PAK3: variants seen among roughly 807,000 people sequenced by gnomAD.
PAK3 encodes the protein p21 (RAC1) activated kinase 3, also known as serine/threonine-protein kinase PAK 3.
In PAK3, 4 loss-of-function variants were observed where a neutral mutation model predicts 41.0. The observed-to-expected ratio is 0.10, with a 90% CI of 0.05 to 0.22. PAK3 has a LOEUF of 0.22. Among genes scored for constraint, PAK3 ranks in the 10% least tolerant of loss-of-function variants. The pLI is 1.00. For synonymous variants in PAK3, 146 were observed against 139.6 expected, an observed-to-expected ratio of 1.05 and a Z score of -0.32; for missense variants, 205 against 409.9, an observed-to-expected ratio of 0.50 and a Z score of 4.32.
intron 9 of PAK3, 108 bp from the exon 10 acceptor site, chrX:111,163,454 T>A (rs769613159): frequency 2.1e-4 from 124 of 602,944 alleles, no homozygotes; most frequent in Non-Finnish European, 3.3e-4. Context: ...TTTTTTTTTT[T>A]AAGAAAATAC....
chrX:110,990,032 GA>G (rs2148667481), intron 1 of PAK3, among the ~76,000 whole-genome samples: 1 of 111,855 alleles, frequency 8.9e-6, no homozygotes, highest in East Asian at 2.8e-4. Flanking sequence ...GTCTTTATAG[GA>G]ATGTTATTAT....
chrX:111,204,067 G>T (rs751094614), intron 16 of PAK3, among the ~76,000 whole-genome samples: 5 of 111,254 alleles, frequency 4.5e-5, no homozygotes, highest in Non-Finnish European at 9.4e-5. Context: ...AGAATAACAG[G>T]GTTCCTTTTT....
chrX:110,950,306 A>G (rs1025375117), intron 1 of PAK3, among the ~76,000 whole-genome samples: 1 of 112,470 alleles, frequency 8.9e-6, no homozygotes, highest in African/African-American at 3.2e-5. Context: ...ATTCATGTAC[A>G]TAAAATAATC....
intron 4 of PAK3, among the ~76,000 whole-genome samples, chrX:111,107,352 G>A (rs1245992732): frequency 2.7e-5 from 3 of 112,259 alleles, no homozygotes; most frequent in Middle Eastern, 4.6e-3. Flanking sequence ...TGCGATAGTA[G>A]ACCCCACTGA....
intron 11 of PAK3, among the ~76,000 whole-genome samples, chrX:111,182,559 A>G (rs774545205): frequency 6.7e-4 from 75 of 111,186 alleles, no homozygotes; most frequent in Non-Finnish European, 1.3e-3. Flanking sequence ...AGTAAATTAC[A>G]CAAAGGAAAA....
intron 5 of PAK3, among the ~76,000 whole-genome samples, chrX:111,136,011 T>C (rs2093783963): frequency 9.0e-6 from 1 of 110,766 alleles, no homozygotes; most frequent in Admixed American, 9.6e-5. Context: ...AGGTAGAAGG[T>C]GGCAGGAGTG....
chrX:111,136,554 A>G (rs2093792315), intron 5 of PAK3, among the ~76,000 whole-genome samples: 2 of 111,631 alleles, frequency 1.8e-5, no homozygotes, highest in South Asian at 7.5e-4. Context: ...ATATTTTGAA[A>G]CTCAAATCTG....
intron 1 of PAK3, among the ~76,000 whole-genome samples, chrX:110,980,939 C>T (rs1257048906): frequency 8.9e-6 from 1 of 111,791 alleles, no homozygotes; most frequent in African/African-American, 3.3e-5. Flanking sequence ...CACAGAAAGA[C>T]AGAGGGAAAG....
intron 8 of PAK3, among the ~76,000 whole-genome samples, chrX:111,153,555 C>T (rs938587815): frequency 6.3e-5 from 7 of 111,586 alleles, no homozygotes; most frequent in Non-Finnish European, 1.1e-4. Context: ...ATTTGCATTA[C>T]TGAAAGTCTC....
chrX:110,955,608 A>G (rs1470045573), intron 1 of PAK3, among the ~76,000 whole-genome samples: 2 of 111,701 alleles, frequency 1.8e-5, no homozygotes, highest in Non-Finnish European at 3.8e-5. Context: ...ACTACCCTCC[A>G]GCCTGGGCAA....
At chrX:111,205,335 T>A (rs1247625194) in intron 16 of PAK3, among the ~76,000 whole-genome samples, 2 of 110,697 alleles carry the variant, frequency 1.8e-5, no homozygotes, top group African/African-American at 3.3e-5. Flanking sequence ...TAAATAAGGC[T>A]AAAAACTCGT....
intron 1 of PAK3, among the ~76,000 whole-genome samples, chrX:110,977,367 G>A (rs1218786093): frequency 9.0e-6 from 1 of 110,502 alleles, no homozygotes; most frequent in East Asian, 2.8e-4. Context: ...TTAACTATTT[G>A]GGGTAACTTG....
chrX:111,073,515 A>T (rs1239180729), intron 1 of PAK3, among the ~76,000 whole-genome samples: 1 of 112,004 alleles, frequency 8.9e-6, no homozygotes, highest in Non-Finnish European at 1.9e-5. Context: ...AAAATCAGAA[A>T]TGAAAGAACA....
intron 1 of PAK3, among the ~76,000 whole-genome samples, chrX:110,991,346 C>T (rs2091642633): frequency 9.0e-6 from 1 of 111,609 alleles, no homozygotes; most frequent in Non-Finnish European, 1.9e-5. Context: ...TAAATGTTAG[C>T]TATCATCATC....
chrX:111,150,489 A>G (rs769604499), intron 7 of PAK3, among the ~76,000 whole-genome samples: 2 of 112,129 alleles, frequency 1.8e-5, no homozygotes, highest in Admixed American at 9.5e-5. Flanking sequence ...TTATAGTTCC[A>G]CATGGCTGGG....
chrX:111,152,585 C>A, intron 8 of PAK3, 138 bp downstream of exon 8: 2 of 466,456 alleles, frequency 4.3e-6, no homozygotes, highest in Non-Finnish European at 3.8e-6. Context: ...ATATAAAATT[C>A]ACCTATTTTC....
rs1228625810 is a variant in PAK3, at chrX:111,013,399, C to A, written c.-28+68771C>A. On this transcript the variant is annotated intron_variant, in intron 1 of 14. Transcript: ENST00000425146. Reference sequence around the variant, plus strand: ...GGGGAAGATGGGTAGAACATGAGACCCTAATTCCATCTCTCATTAGGTCTC... The same window carrying A: ...GGGGAAGATGGGTAGAACATGAGACACTAATTCCATCTCTCATTAGGTCTC... 2.7e-5 allele frequency among the ~76,000 whole-genome samples: 3 copies of A among 111,047 alleles called. No individual in the cohort carries two copies. In the South Asian group the frequency reaches 1.1e-3, roughly 42 times the overall value.
intron 1 of PAK3, among the ~76,000 whole-genome samples, chrX:111,051,463 C>T (rs760960438): frequency 2.7e-5 from 3 of 111,792 alleles, no homozygotes; most frequent in South Asian, 3.8e-4. Flanking sequence ...TTTAGAATTG[C>T]TCTTGTGCCC....
At chrX:110,946,033 G>C (rs968254530) in intron 1 of PAK3, among the ~76,000 whole-genome samples, 1 of 111,650 alleles carries the variant, frequency 9.0e-6, no homozygotes, top group African/African-American at 3.3e-5. Context: ...AGGCAAGATA[G>C]AGCGTGTAAA....
Sources: allele counts gnomAD v4.1 joint callset (sites outside exome capture counted in the v4.1 genomes callset), GRCh38; gene constraint gnomAD v4.1.1; transcripts MANE v1.5; gene names NCBI Gene and HGNC (gene_info 2026-07-23, HGNC 2026-07-21).